FRMD4A: variants seen among roughly 807,000 people sequenced by gnomAD.
FRMD4A encodes FERM domain-containing protein 4A.
FRMD4A carries 29 observed loss-of-function variants against 129.1 expected under a neutral mutation model. The ratio of observed to expected loss-of-function variants is 0.22; its 90% CI spans 0.17 to 0.31. The LOEUF is 0.31. Ranked by LOEUF, FRMD4A falls within the 10% of genes least tolerant of loss-of-function variation. The pLI is 1.00. For synonymous variants in FRMD4A, 634 were observed against 571.6 expected (o/e 1.11, Z -1.56); for missense variants, 1,272 against 1,375.8 (o/e 0.92, Z 1.19).
chr10:14,141,644 C>T (rs1839841567), intron 2 of FRMD4A, among the ~76,000 whole-genome samples: 1 of 152,090 alleles, frequency 6.6e-6, no homozygotes, highest in South Asian at 2.1e-4. Context: ...ATCTCAGAGG[C>T]CTTTTCCCCT....
chr10:14,074,050 G>T (rs2131720550), intron 2 of FRMD4A, among the ~76,000 whole-genome samples: 1 of 152,306 alleles, frequency 6.6e-6, no homozygotes, highest in Non-Finnish European at 1.5e-5. Context: ...GGCAGAGGCT[G>T]AACAGAGCTG....
rs569951123 is a variant in FRMD4A at position 13,646,277 on chromosome 10, T to C, written c.*761A>G. On this transcript the variant is annotated 3_prime_UTR_variant, in exon 25 of 25. Transcript: ENST00000357447. ...GTTCAGAATTTAAAAGAAATTTCCT[T>C]GCAGAAAGAATGTCTTCCTCTTGGC... The C allele has an allele frequency of 2.0e-5, 3 of 152,812 alleles. No individual in the cohort carries two copies. The East Asian group carries it at 5.8e-4, about 29-fold the overall frequency. 9.5% of individuals were successfully genotyped at this position (152,812 alleles called of 1,614,324 possible). A position where few individuals can be genotyped will look rare whatever the true frequency, so the allele number is the denominator to read the frequency against.
chr10:13,810,988 A>AT, intron 3 of FRMD4A, 80 bp from the exon 4 acceptor site: 1 of 699,666 alleles, frequency 1.4e-6, no homozygotes, highest in African/African-American at 1.8e-5. Flanking sequence ...GGTTTCCATA[A>AT]TTTTTTCAAT....
chr10:14,150,071 A>C (rs12253082), intron 2 of FRMD4A, among the ~76,000 whole-genome samples: 1,681 of 152,264 alleles, frequency 0.011, 30 homozygotes, highest in African/African-American at 0.038. Context: ...ACGTACTTTT[A>C]AACAACCAGA....
At chr10:13,741,089 AG>A (rs1447708049) in intron 9 of FRMD4A, among the ~76,000 whole-genome samples, 3 of 152,126 alleles carry the variant, frequency 2.0e-5, no homozygotes, top group Admixed American at 6.5e-5. Context: ...GGCCTCCCAA[AG>A]TACTGGGATT....
chr10:14,223,725 A>G (rs1333166694), intron 2 of FRMD4A, among the ~76,000 whole-genome samples: 1 of 147,910 alleles, frequency 6.8e-6, no homozygotes, highest in African/African-American at 2.5e-5. Context: ...TGGGTGACAG[A>G]GCAAGACCAT....
At chr10:14,041,106 T>C (rs1226132301) in intron 2 of FRMD4A, among the ~76,000 whole-genome samples, 2 of 152,260 alleles carry the variant, frequency 1.3e-5, no homozygotes, top group Non-Finnish European at 2.9e-5. Flanking sequence ...TGCAGTACTT[T>C]GAAAAAGTCG....
intron 2 of FRMD4A, among the ~76,000 whole-genome samples, chr10:14,189,019 G>T (rs1490434444): frequency 6.6e-6 from 1 of 152,196 alleles, no homozygotes; most frequent in African/African-American, 2.4e-5. Flanking sequence ...TTTAGCTTAA[G>T]TTACCTTGTG....
intron 2 of FRMD4A, among the ~76,000 whole-genome samples, chr10:14,232,452 T>C (rs1843669378): frequency 6.6e-6 from 1 of 152,260 alleles, no homozygotes. Flanking sequence ...AATAGTTTTT[T>C]CTAATTCTGT....
At chr10:13,697,864 C>A (rs1005652622) in intron 14 of FRMD4A, among the ~76,000 whole-genome samples, 3 of 152,300 alleles carry the variant, frequency 2.0e-5, no homozygotes, top group Admixed American at 2.0e-4. Flanking sequence ...TATTTTCCTG[C>A]AAAGTCTCTA....
intron 2 of FRMD4A, among the ~76,000 whole-genome samples, chr10:13,920,896 A>G (rs1053749122): frequency 6.6e-6 from 1 of 152,180 alleles, no homozygotes; most frequent in African/African-American, 2.4e-5. Flanking sequence ...GGTAACTAAC[A>G]CTGAATCAAT....
chr10:13,897,346 TG>T (rs1321026767), intron 2 of FRMD4A, among the ~76,000 whole-genome samples: 1 of 152,206 alleles, frequency 6.6e-6, no homozygotes, highest in Admixed American at 6.5e-5. Flanking sequence ...GCTGAATACC[TG>T]GGGTAACCCT....
At chr10:13,974,375 A>C (rs539058379) in intron 2 of FRMD4A, among the ~76,000 whole-genome samples, 69 of 151,982 alleles carry the variant, frequency 4.5e-4, no homozygotes, top group Admixed American at 1.0e-3. Context: ...CTTGCTCTGG[A>C]GTCTGGAATC....
chr10:13,758,033 C>T (rs1256076319), intron 8 of FRMD4A, among the ~76,000 whole-genome samples: 1 of 152,214 alleles, frequency 6.6e-6, no homozygotes, highest in African/African-American at 2.4e-5. Context: ...CATGAGCCAC[C>T]ACACCCAGCC....
At chr10:13,939,725 C>T (rs549406346) in intron 2 of FRMD4A, among the ~76,000 whole-genome samples, 54 of 152,238 alleles carry the variant, frequency 3.5e-4, no homozygotes, top group African/African-American at 1.2e-3. Flanking sequence ...GCACAGTGAC[C>T]CCCTCTCAGA....
chr10:13,762,898 G>A (rs547089988), intron 6 of FRMD4A, among the ~76,000 whole-genome samples: 1 of 152,252 alleles, frequency 6.6e-6, no homozygotes, highest in South Asian at 2.1e-4. Context: ...GGAGGCTGAG[G>A]TGGGAGGTTG....
intron 2 of FRMD4A, among the ~76,000 whole-genome samples, chr10:13,874,160 C>T (rs941846938): frequency 2.8e-5 from 4 of 145,020 alleles, no homozygotes; most frequent in Non-Finnish European, 6.0e-5. Context: ...GCAGGAGAAT[C>T]GCTTGAACCT....
At chr10:14,308,798 C>T (rs373111552) in intron 2 of FRMD4A, among the ~76,000 whole-genome samples, 1 of 152,176 alleles carries the variant, frequency 6.6e-6, no homozygotes, top group African/African-American at 2.4e-5. Flanking sequence ...TCACATGGTA[C>T]TTACAAAATC....
At chr10:13,882,658 A>C (rs1447775326) in intron 2 of FRMD4A, among the ~76,000 whole-genome samples, 1 of 152,166 alleles carries the variant, frequency 6.6e-6, no homozygotes, top group Non-Finnish European at 1.5e-5. Context: ...GACAGATGCC[A>C]TGTGCCCTCT....
Sources: gnomAD v4.1 joint callset for allele counts (sites outside exome capture counted in the v4.1 genomes callset) on GRCh38, gnomAD v4.1.1 for gene constraint, MANE v1.5 for transcripts, NCBI Gene and HGNC (gene_info 2026-07-23, HGNC 2026-07-21) for gene names.